Variants in PCDHA3 observed in about 807,000 individuals in gnomAD.
PCDHA3 encodes the protein protocadherin alpha-3.
A neutral mutation model predicts 62.2 loss-of-function variants in PCDHA3; 41 were observed. The ratio of observed to expected loss-of-function variants is 0.66; its 90% CI spans 0.51 to 0.86. The LOEUF is 0.86. Ranked by LOEUF, PCDHA3 falls within the 40% of genes least tolerant of loss-of-function variation. PCDHA3 has a pLI of 0.00. For missense variants in PCDHA3, 1,304 were observed against 1,241.2 expected, an observed-to-expected ratio of 1.05 and a Z score of -0.76; for synonymous variants, 640 against 555.4, an observed-to-expected ratio of 1.15 and a Z score of -2.14.
At chr5:140,836,151 G>T (rs2150254234) in intron 1 of PCDHA3, 3 of 1,613,828 alleles carry the variant, frequency 1.9e-6, no homozygotes, top group Middle Eastern at 3.3e-4. Context: ...CGCGGGCCAT[G>T]TGGTGGCGAA....
At chr5:140,889,632 C>T (rs265311) in intron 1 of PCDHA3, among the ~76,000 whole-genome samples, 138,318 of 152,176 alleles carry the variant, frequency 0.91, 63,092 homozygotes, top group East Asian at 1. Context: ...CTCTTCTTTT[C>T]ATTTGTGTTT....
chr5:140,900,882 A>G (rs1453854297), intron 1 of PCDHA3, among the ~76,000 whole-genome samples: 1 of 152,044 alleles, frequency 6.6e-6, no homozygotes, highest in African/African-American at 2.4e-5. Flanking sequence ...ATTGCCTGTC[A>G]TTTGGATAAA....
intron 1 of PCDHA3, among the ~76,000 whole-genome samples, chr5:140,838,140 G>A (rs1775567659): frequency 6.9e-6 from 1 of 145,908 alleles, no homozygotes; most frequent in Admixed American, 6.9e-5. Context: ...GTTTGACAGA[G>A]TTTTACTCTG....
chr5:140,971,392 T>C (rs1399891976), intron 1 of PCDHA3, among the ~76,000 whole-genome samples: 1 of 152,154 alleles, frequency 6.6e-6, no homozygotes, highest in East Asian at 1.9e-4. Flanking sequence ...TAAAGGCAAA[T>C]TTCTGCCAGG....
chr5:140,976,466 G>C (rs1404890940), intron 1 of PCDHA3, among the ~76,000 whole-genome samples: 1 of 152,104 alleles, frequency 6.6e-6, no homozygotes, highest in African/African-American at 2.4e-5. Flanking sequence ...AAGAAGAATT[G>C]CTTGAATCCG....
At chr5:140,824,290 T>G (rs1414712153) in intron 1 of PCDHA3, 1 of 971,324 alleles carries the variant, frequency 1.0e-6, no homozygotes, top group African/African-American at 1.6e-5. Flanking sequence ...TTTATGAGGC[T>G]TTTCTGCTGG....
At chr5:140,853,884 T>G in intron 1 of PCDHA3, 1 of 980,606 alleles carries the variant, frequency 1.0e-6, no homozygotes, top group South Asian at 4.8e-5. Flanking sequence ...TTTCTGTAAT[T>G]TAAAAAGATG....
chr5:140,879,204 G>A (rs1041591784), intron 1 of PCDHA3, among the ~76,000 whole-genome samples: 3 of 152,328 alleles, frequency 2.0e-5, no homozygotes, highest in Admixed American at 6.5e-5. Flanking sequence ...AATTATGGCA[G>A]TAGAAATGAA....
At chr5:140,922,255 A>C (rs1415394722) in intron 1 of PCDHA3, among the ~76,000 whole-genome samples, 2 of 152,256 alleles carry the variant, frequency 1.3e-5, no homozygotes, top group Non-Finnish European at 2.9e-5. Flanking sequence ...ATAAGTTACT[A>C]AGTGCCATGA....
At chr5:140,816,422 A>T (rs1267232018) in intron 1 of PCDHA3, 1 of 152,130 alleles carries the variant, frequency 6.6e-6, no homozygotes, top group African/African-American at 2.4e-5. Flanking sequence ...GAGCTCACTG[A>T]ACATCTTTAT....
intron 1 of PCDHA3, chr5:140,966,616 G>A: frequency 1.3e-6 from 1 of 788,372 alleles, no homozygotes; most frequent in South Asian, 2.7e-5. Context: ...AGGGCCTACG[G>A]AGGGAGCGGC....
rs2098417470 is a variant in PCDHA3, at chr5:141,010,504, A to G, written c.*567A>G. On this transcript the variant is annotated 3_prime_UTR_variant, in exon 4 of 4. Coordinates refer to ENST00000522353, the MANE Select transcript of PCDHA3 (RefSeq NM_018906.3). ...AACTTAAAGGGACCAGACTTTCTAA[A>G]TCTTACAACTCAAGAGGTGGCAGCC... 3.6e-6 allele frequency: 2 copies of G among 549,616 alleles called. No homozygotes were observed. The allele number at this position is 549,616 out of a possible 1,614,324, so 34.0% of individuals were successfully genotyped here.
intron 1 of PCDHA3, among the ~76,000 whole-genome samples, chr5:140,833,035 T>C (rs1192645027): frequency 2.6e-5 from 4 of 152,298 alleles, no homozygotes; most frequent in South Asian, 2.1e-4. Context: ...GAGAGTGTGA[T>C]ATAAAGCAAG....
In PCDHA3 at chr5:141,010,121, T is replaced by C; in HGVS notation, c.*184T>C. The C allele has an allele frequency of 1.2e-6, 2 of 1,606,996 alleles. No homozygotes were observed. The highest frequency in any genetic ancestry group is 1.7e-6 in the Non-Finnish European group (2 of 1,176,140). On this transcript the variant is annotated 3_prime_UTR_variant, in exon 4 of 4. Transcript: ENST00000522353. ...ACAGGTTTTGTCGTAAAAGCTTTAC[T>C]AAGTCTGGTGTTAACTCTTTCTCTC... is the stretch of plus-strand genomic sequence containing the variant.
chr5:140,863,488 A>G (rs1554158271), intron 1 of PCDHA3: 1 of 451,898 alleles, frequency 2.2e-6, no homozygotes, highest in Admixed American at 2.5e-5. Context: ...CCCAAGGTCA[A>G]CATTACGGCT....
intron 3 of PCDHA3, among the ~76,000 whole-genome samples, chr5:140,989,910 G>A (rs941838001): frequency 3.3e-5 from 5 of 152,062 alleles, no homozygotes; most frequent in African/African-American, 1.2e-4. Flanking sequence ...ATCAGAAAAA[G>A]AGGGAGAGCA....
At chr5:140,902,846 A>G (rs1119032) in intron 1 of PCDHA3, among the ~76,000 whole-genome samples, 22,643 of 152,174 alleles carry the variant, frequency 0.15, 1,744 homozygotes, top group Middle Eastern at 0.2. Flanking sequence ...CTTCACTTAG[A>G]AAAATGGCGT....
At chr5:140,836,493 A>G in intron 1 of PCDHA3, 1 of 1,613,850 alleles carries the variant, frequency 6.2e-7, no homozygotes, top group Non-Finnish European at 8.5e-7. Flanking sequence ...GATCATCGCC[A>G]TCTGCGCGGT....
At chr5:140,981,191 G>A (rs2096922052) in intron 2 of PCDHA3, among the ~76,000 whole-genome samples, 2 of 152,178 alleles carry the variant, frequency 1.3e-5, no homozygotes, top group South Asian at 4.1e-4. Context: ...AAGTTTGCCT[G>A]CTCTGTTGCC....
Sources: allele counts gnomAD v4.1 joint callset (sites outside exome capture counted in the v4.1 genomes callset), GRCh38; gene constraint gnomAD v4.1.1; transcripts MANE v1.5; gene names NCBI Gene and HGNC (gene_info 2026-07-23, HGNC 2026-07-21).